TMEM132B: variants seen among roughly 807,000 people sequenced by gnomAD.
TMEM132B encodes transmembrane protein 132B.
In TMEM132B, 18 loss-of-function variants were observed where a neutral mutation model predicts 90.8. That is an observed-to-expected ratio of 0.20 (90% confidence interval 0.14 to 0.29). The LOEUF is 0.29. Among genes scored for constraint, TMEM132B ranks in the 10% least tolerant of loss-of-function variants. TMEM132B has a pLI of 1.00. For synonymous variants in TMEM132B, 504 were observed against 523.3 expected, an observed-to-expected ratio of 0.96 and a Z score of 0.50; for missense variants, 1,096 against 1,326.8, an observed-to-expected ratio of 0.83 and a Z score of 2.70.
chr12:125,416,735 C>T (rs1880025092), intron 3 of TMEM132B, among the ~76,000 whole-genome samples: 1 of 152,188 alleles, frequency 6.6e-6, no homozygotes, highest in Admixed American at 6.5e-5. Context: ...CAAAGCATTC[C>T]ATTAGGAATC....
intron 4 of TMEM132B, among the ~76,000 whole-genome samples, chr12:125,549,622 A>T (rs1671093469): frequency 1.3e-5 from 2 of 152,234 alleles, no homozygotes; most frequent in African/African-American, 4.8e-5. Flanking sequence ...TCTTAAGAGC[A>T]CTGGCCTGGG....
chr12:125,560,511 T>A (rs1040024051), intron 4 of TMEM132B, among the ~76,000 whole-genome samples: 1 of 152,100 alleles, frequency 6.6e-6, no homozygotes, highest in Non-Finnish European at 1.5e-5. Context: ...TCACACCAGT[T>A]AGAATAGTGA....
chr12:125,617,345 T>C (rs978397180), intron 5 of TMEM132B, among the ~76,000 whole-genome samples: 25 of 129,790 alleles, frequency 1.9e-4, no homozygotes, highest in South Asian at 4.7e-4. Flanking sequence ...TTCACTGCCC[T>C]TTTTTTTTTT....
intron 1 of TMEM132B, among the ~76,000 whole-genome samples, chr12:125,336,172 G>A (rs1049240213): frequency 4.6e-4 from 70 of 152,020 alleles, no homozygotes; most frequent in Non-Finnish European, 8.4e-4. Context: ...CCTTCTGTCC[G>A]GCAGTCACCG....
chr12:125,196,268 C>G (rs961328217), intron 1 of TMEM132B, among the ~76,000 whole-genome samples: 1 of 152,138 alleles, frequency 6.6e-6, no homozygotes, highest in Non-Finnish European at 1.5e-5. Context: ...GAATTGGGAC[C>G]AAATCAATAT....
At chr12:125,288,439 G>C (rs1026508668) in intron 1 of TMEM132B, among the ~76,000 whole-genome samples, 3 of 145,872 alleles carry the variant, frequency 2.1e-5, no homozygotes, top group African/African-American at 7.7e-5. Flanking sequence ...CTCCAGCCTG[G>C]GCGACAGAGC....
At chr12:125,478,700 G>A (rs544945973) in intron 3 of TMEM132B, among the ~76,000 whole-genome samples, 3 of 152,176 alleles carry the variant, frequency 2.0e-5, no homozygotes, top group African/African-American at 7.2e-5. Flanking sequence ...GGATATTATC[G>A]AGGAGAACTT....
rs147406644 is a variant in TMEM132B, at chr12:125,222,859, T to C, written c.67+35993T>C. On this transcript the variant is annotated intron_variant, in intron 1 of 8. Transcript: ENST00000682704. ...CCCTGGGGGGCAAGATTGCCCCCAT[T>C]GGAGAACTCAATGGTCTAGGGTAAA... Among the ~76,000 whole-genome samples, 5 of 152,368 alleles carry C rather than the reference T, an allele frequency of 3.3e-5. No individual in the cohort carries two copies. In the East Asian group the frequency reaches 7.7e-4, roughly 23 times the overall value.
At chr12:125,373,571 C>T (rs1878370377) in intron 2 of TMEM132B, among the ~76,000 whole-genome samples, 1 of 152,138 alleles carries the variant, frequency 6.6e-6, no homozygotes. Flanking sequence ...TTAAGGCGCC[C>T]CCAGTCTACG....
Position 125,480,886 on chromosome 12 carries a change from C to G in TMEM132B, c.1107-38553C>G, listed in dbSNP as rs565008444. Among the ~76,000 whole-genome samples, 129 of 152,078 alleles carry G rather than the reference C, an allele frequency of 8.5e-4. 1 individual carries two copies. The highest frequency in any genetic ancestry group is 1.5e-3 in the Non-Finnish European group (99 of 68,024). On this transcript the variant is annotated intron_variant, in intron 3 of 8. Transcript: ENST00000682704. ...TAAAATACTGGCAAACCGAATCCAG[C>G]AGCACATCAAGAAGCTTATCCACCA...
Position 125,653,674 on chromosome 12 carries a change from T to G in TMEM132B, c.2216T>G (p.Val739Gly). ...ACTGTCTCATCATTGGATGAAATGG[T>G]GGTGTCTGTCCAGGCAAACCTTGAG... is the stretch of plus-strand genomic sequence containing the variant. ...SVTVSSLDEM[V>G]VSVQANLESK... The change falls in exon 9 of 9, where the codon GTG (valine) becomes GGG (glycine). Residue 739 changes from valine to glycine, a missense_variant. By Grantham distance (109) the Val-to-Gly change is moderately radical. Transcript: ENST00000682704. 2 of 1,614,200 alleles carry G rather than the reference T, an allele frequency of 1.2e-6. No homozygotes were observed. Among genetic ancestry groups the G allele is most frequent in the Non-Finnish European group, 1.7e-6 (2 of 1,180,022 alleles).
rs1025802654 is a variant in TMEM132B at position 125,257,821 on chromosome 12, A to G, written c.67+70955A>G. 3.5e-4 allele frequency among the ~76,000 whole-genome samples: 54 copies of G among 152,260 alleles called. 1 individual carries two copies. Among genetic ancestry groups the G allele is most frequent in the Non-Finnish European group, 1.2e-4 (8 of 68,006 alleles). Reference sequence around the variant, plus strand: ...GGATGATGTGGCCACAAGCCAAGGAATGCCTGCAGCCATCAGCAGCTGGAG... The same window carrying G: ...GGATGATGTGGCCACAAGCCAAGGAGTGCCTGCAGCCATCAGCAGCTGGAG... On this transcript the variant is annotated intron_variant, in intron 1 of 8. Coordinates refer to ENST00000682704, the MANE Select transcript of TMEM132B (RefSeq NM_001366854.1).
intron 1 of TMEM132B, among the ~76,000 whole-genome samples, chr12:125,270,897 C>T (rs985021849): frequency 6.6e-6 from 1 of 151,462 alleles, no homozygotes; most frequent in Admixed American, 6.6e-5. Context: ...TGAGATGGAG[C>T]ATTAGCTTTA....
intron 1 of TMEM132B, among the ~76,000 whole-genome samples, chr12:125,214,317 T>A (rs768272099): frequency 5.3e-5 from 8 of 152,224 alleles, no homozygotes; most frequent in Non-Finnish European, 1.2e-4. Flanking sequence ...TCTTCTATAG[T>A]GGCTCCATTC....
At chr12:125,354,450 A>G (rs1877700359) in intron 2 of TMEM132B, among the ~76,000 whole-genome samples, 1 of 152,152 alleles carries the variant, frequency 6.6e-6, no homozygotes, top group Non-Finnish European at 1.5e-5. Context: ...TAAACTGTCT[A>G]ATTCACCCCT....
At chr12:125,401,944 G>T (rs1044523845) in intron 2 of TMEM132B, among the ~76,000 whole-genome samples, 2 of 152,116 alleles carry the variant, frequency 1.3e-5, no homozygotes, top group Non-Finnish European at 2.9e-5. Context: ...AACAAAGAAT[G>T]CATGTTGATA....
intron 1 of TMEM132B, among the ~76,000 whole-genome samples, chr12:125,245,963 T>C (rs1294053403): frequency 6.6e-6 from 1 of 152,210 alleles, no homozygotes; most frequent in African/African-American, 2.4e-5. Context: ...CCGACATCTC[T>C]GCAGCCAGAT....
rs1876590379 is a variant in TMEM132B, at chr12:125,326,805, T to C, written c.68-22647T>C. 6.0e-5 allele frequency: 53 copies of C among 877,540 alleles called. No homozygotes were observed. The South Asian group carries it at 9.3e-4, about 15-fold the overall frequency. 54.4% of individuals were successfully genotyped at this position (877,540 alleles called of 1,614,324 possible). On this transcript the variant is annotated intron_variant, in intron 1 of 8. Transcript: ENST00000682704. The stretch of plus-strand genomic sequence containing the variant: ...TCTTGAAAGAGTTGCCTGTTCTCCG[T>C]GCACCCCTTCCTCTTGTCCTGCTCA...
At chr12:125,269,616 C>T (rs1593062535) in intron 1 of TMEM132B, among the ~76,000 whole-genome samples, 1 of 152,142 alleles carries the variant, frequency 6.6e-6, no homozygotes, top group Non-Finnish European at 1.5e-5. Flanking sequence ...TCCTGGTGTC[C>T]GGGGATCATC....
Sources: allele counts gnomAD v4.1 joint callset (sites outside exome capture counted in the v4.1 genomes callset), GRCh38; gene constraint gnomAD v4.1.1; transcripts MANE v1.5; gene names NCBI Gene and HGNC (gene_info 2026-07-23, HGNC 2026-07-21).